ARHGAP30: variants seen among roughly 807,000 people sequenced by gnomAD.
ARHGAP30 encodes rho GTPase-activating protein 30.
A neutral mutation model predicts 72.0 loss-of-function variants in ARHGAP30; 23 were observed. That is an observed-to-expected ratio of 0.32 (90% confidence interval 0.23 to 0.45). The LOEUF is 0.45. Ranked by LOEUF, ARHGAP30 falls within the 20% of genes least tolerant of loss-of-function variation. The pLI is 1.00. For missense variants in ARHGAP30, 1,319 were observed against 1,383.4 expected (o/e 0.95, Z 0.74); for synonymous variants, 576 against 528.2 (o/e 1.09, Z -1.24).
rs780543644 is a variant in ARHGAP30 at position 161,059,686 on chromosome 1, A to G, written c.128T>C (p.Phe43Ser). ...VPQVLKSCAE[F>S]VEEYGVVDGI... ...ATCCACCACTCCATACTCCTCCACA[A>G]ATTCTGCACAGCTCTTTAGCACCTG... is the stretch of plus-strand genomic sequence containing the variant. The change falls in exon 2 of 12, where the codon TTT becomes TCT. Residue 43 changes from phenylalanine (F) to serine (S), a missense_variant. Around this residue, in one of 2 missense-constraint regions of ARHGAP30, gnomAD observed 222 missense variants for 338.2 expected, o/e 0.66. Transcript: ENST00000368013. 1 of 1,613,632 alleles carries G rather than the reference A, an allele frequency of 6.2e-7. No homozygotes were observed. The highest frequency in any genetic ancestry group is 1.1e-5 in the South Asian group (1 of 91,046).
chr1:161,047,836 G>T lies in ARHGAP30; in HGVS notation c.3185C>A (p.Ser1062Tyr), dbSNP rs745415392. ...LPSEGAEGSG[S>Y]RSRLSLPPRE... is the part of the protein sequence containing the mutation. ...GGGGGGCAGACTAAGACGACTCCGGGATCCAGACCCTTCTGCACCTTCAGA... is the reference window on the plus strand; with the variant it reads ...GGGGGGCAGACTAAGACGACTCCGGTATCCAGACCCTTCTGCACCTTCAGA... The change falls in exon 12 of 12, where the codon TCC becomes TAC. Residue 1062 changes from serine (S) to tyrosine (Y), a missense_variant. Ser to Tyr is a moderately radical substitution (Grantham distance 144). Coordinates refer to ENST00000368013, the MANE Select transcript of ARHGAP30 (RefSeq NM_001025598.2). 5.0e-6 allele frequency: 8 copies of T among 1,610,878 alleles called. No homozygotes were observed. Among genetic ancestry groups the T allele is most frequent in the Non-Finnish European group, 6.8e-6 (8 of 1,178,832 alleles).
At chr1:161,051,817 G>GA in intron 9 of ARHGAP30, 102 bp from the exon 10 acceptor site, 1 of 1,439,994 alleles carries the variant, frequency 6.9e-7, no homozygotes, top group South Asian at 1.5e-5. Flanking sequence ...TCTCAGGCTT[G>GA]AAAGCAACGA....
Position 161,052,425 on chromosome 1 carries a change from T to G in ARHGAP30, c.940+15A>C, listed in dbSNP as rs1301932806. The G allele has an allele frequency of 1.2e-6, 2 of 1,611,050 alleles. No individual in the cohort carries two copies. Among genetic ancestry groups the G allele is most frequent in the Non-Finnish European group, 1.7e-6 (2 of 1,178,420 alleles). ...TGCACCCTCAGCAGAGCTCCCCCCA[T>G]CTCCCCAGACTTACCCCTGTCCTCA... On this transcript the variant is annotated intron_variant, in intron 8 of 11. Coordinates refer to ENST00000368013, the MANE Select transcript of ARHGAP30 (RefSeq NM_001025598.2).
intron 1 of ARHGAP30, among the ~76,000 whole-genome samples, chr1:161,065,693 A>G (rs1280710380): frequency 3.3e-5 from 5 of 151,160 alleles, no homozygotes; most frequent in East Asian, 3.9e-4. Context: ...CAGCCTCCCA[A>G]GTAGCTAGGA....
chr1:161,051,656 A>T lies in ARHGAP30; in HGVS notation c.1078T>A (p.Leu360Met). The T allele has an allele frequency of 6.2e-7, 1 of 1,612,834 alleles. No individual in the cohort carries two copies. Among genetic ancestry groups the T allele is most frequent in the Non-Finnish European group, 8.5e-7 (1 of 1,179,974 alleles). ...GCTGCCTCTATAGAATCGTTCTCCA[A>T]GCTCTCAGGCAGCAATGGGCTTGGC... The part of the protein sequence containing the change: ...PRPSPLLPES[L>M]ENDSIEAAEG... The change falls in exon 10 of 12, where the codon TTG becomes ATG. Residue 360 changes from leucine to methionine, a missense_variant. Leu to Met is a conservative substitution (Grantham distance 15, BLOSUM62 2). Around this residue, in one of 2 missense-constraint regions of ARHGAP30, gnomAD observed 1,097 missense variants for 1,045.2 expected, o/e 1.05. Coordinates refer to ENST00000368013, the MANE Select transcript of ARHGAP30 (RefSeq NM_001025598.2).
intron 5 of ARHGAP30, 96 bp from the exon 6 acceptor site, chr1:161,053,481 TCTCTCTCTCTCTCTCTCTCTCTCTC>T: frequency 8.4e-7 from 1 of 1,190,082 alleles, no homozygotes; most frequent in Non-Finnish European, 1.2e-6. Context: ...TCTCTCTCTC[TCTCTCTCTCTCTCTCTCTCTCTCTC>T]GAATGACCTT....
intron 2 of ARHGAP30, among the ~76,000 whole-genome samples, chr1:161,057,158 A>G (rs1651935292): frequency 6.8e-6 from 1 of 146,830 alleles, no homozygotes. Context: ...AAATAAGCTA[A>G]TTTTTTTTTT....
intron 9 of ARHGAP30, among the ~76,000 whole-genome samples, chr1:161,052,011 ACCACCACCACCACCAC>A (rs1457724405): frequency 1.2e-4 from 6 of 52,154 alleles, no homozygotes; most frequent in African/African-American, 4.7e-4. Flanking sequence ...CACCACCACC[ACCACCACCACCACCAC>A]CACCACCACC....
chr1:161,069,744 C>T lies in ARHGAP30; in HGVS notation c.-120G>A. On this transcript the variant is annotated 5_prime_UTR_variant, in exon 1 of 12. Coordinates refer to ENST00000368013, the MANE Select transcript of ARHGAP30 (RefSeq NM_001025598.2). This position sits in a 1 kb window ranked among gnomAD's most constrained non-coding sequence, Gnocchi z 4.9. ...GGCCCGGCCCCAGGGGGGCAGGGCT[C>T]CCAATTGGGGGTGGAGGGTGGCCTG... 1 of 1,120,156 alleles carries T rather than the reference C, an allele frequency of 8.9e-7. No individual in the cohort carries two copies. The highest frequency in any genetic ancestry group is 1.3e-6 in the Non-Finnish European group (1 of 780,424). The allele number at this position is 1,120,156 out of a possible 1,614,324, so 69.4% of individuals were successfully genotyped here. A position where few individuals can be genotyped will look rare whatever the true frequency, so the allele number is the denominator to read the frequency against.
intron 1 of ARHGAP30, among the ~76,000 whole-genome samples, chr1:161,065,758 A>G (rs1290671256): frequency 6.6e-6 from 1 of 151,710 alleles, no homozygotes; most frequent in Non-Finnish European, 1.5e-5. Context: ...GTAGAGACAG[A>G]GTTTCTCCAT....
At chr1:161,065,707 C>T (rs1026430786) in intron 1 of ARHGAP30, among the ~76,000 whole-genome samples, 3 of 151,916 alleles carry the variant, frequency 2.0e-5, no homozygotes, top group Non-Finnish European at 4.4e-5. Context: ...GCTAGGATTA[C>T]AGGCACCCAC....
chr1:161,047,089 AAGG>A lies in ARHGAP30; in HGVS notation c.*623_*625del, dbSNP rs1422521386. The A allele has an allele frequency of 6.9e-6, 3 of 432,856 alleles. No individual in the cohort carries two copies. Among genetic ancestry groups the A allele is most frequent in the Non-Finnish European group, 1.4e-5 (3 of 212,722 alleles). 26.8% of individuals were successfully genotyped at this position (432,856 alleles called of 1,614,324 possible). ...TAGGAACAAGTTATTCCAAAGGAGAAAGGAGAGCCCAGAGAGATCTGTACAGGA... is the reference window on the plus strand; with the variant it reads ...TAGGAACAAGTTATTCCAAAGGAGAAAGAGCCCAGAGAGATCTGTACAGGA... On this transcript the variant is annotated 3_prime_UTR_variant, in exon 12 of 12. Coordinates refer to ENST00000368013, the MANE Select transcript of ARHGAP30 (RefSeq NM_001025598.2).
rs1310353596 is a variant in ARHGAP30, at chr1:161,064,809, AAGAAAGAAAGAAAGAAAGAAAG to A, written c.97+4697_97+4718del. Among the ~76,000 whole-genome samples the A allele has an allele frequency of 9.8e-4, 70 of 71,464 alleles. 2 individuals carry two copies. Among genetic ancestry groups the A allele is most frequent in the Middle Eastern group, 5.5e-3 (1 of 182 alleles). The allele number at this position is 71,464 out of a possible 152,430, so 46.9% of individuals were successfully genotyped here. A position where few individuals can be genotyped will look rare whatever the true frequency, so the allele number is the denominator to read the frequency against. On this transcript the variant is annotated intron_variant, in intron 1 of 11. Coordinates refer to ENST00000368013, the MANE Select transcript of ARHGAP30 (RefSeq NM_001025598.2). The stretch of plus-strand genomic sequence containing the variant: ...AAAGAAAGAAAGAAAGAAAGAAAGA[AAGAAAGAAAGAAAGAAAGAAAG>A]AGAAAGAAAGAAAGAAAGGAAAGGA...
intron 3 of ARHGAP30, among the ~76,000 whole-genome samples, chr1:161,055,326 T>C (rs1651742021): frequency 6.6e-6 from 1 of 152,044 alleles, no homozygotes; most frequent in Non-Finnish European, 1.5e-5. Context: ...ACCTTGTCTC[T>C]ACTAAAAATT....
Position 161,048,778 on chromosome 1 carries a change from T to C in ARHGAP30, c.2243A>G (p.Lys748Arg). ...GGDEYTDEKE[K>R]EIEREEDEQR... is the part of the protein sequence containing the mutation. ...TTCATCCTCTTCTCTCTCAATTTCTTTTTCCTTCTCATCTGTATACTCATC... is the reference window on the plus strand; with the variant it reads ...TTCATCCTCTTCTCTCTCAATTTCTCTTTCCTTCTCATCTGTATACTCATC... Residue 748 changes from lysine (K) to arginine (R), a missense_variant, in exon 12 of 12, where the codon AAA (lysine) becomes AGA (arginine). Around this residue, in one of 2 missense-constraint regions of ARHGAP30, gnomAD observed 1,097 missense variants for 1,045.2 expected, o/e 1.05. Coordinates refer to ENST00000368013, the MANE Select transcript of ARHGAP30 (RefSeq NM_001025598.2). 1 of 1,614,064 alleles carries C rather than the reference T, an allele frequency of 6.2e-7. No individual in the cohort carries two copies. The highest frequency in any genetic ancestry group is 2.2e-5 in the East Asian group (1 of 44,880).
chr1:161,053,490 C>CTCTCTCTG, intron 5 of ARHGAP30, 105 bp from the exon 6 acceptor site: 1 of 929,004 alleles, frequency 1.1e-6, no homozygotes, highest in Non-Finnish European at 1.4e-6. Flanking sequence ...CTCTCTCTCT[C>CTCTCTCTG]TCTCTCTCTC....
intron 4 of ARHGAP30, 28 bp from the exon 5 acceptor site, chr1:161,054,501 C>G (rs754812058): frequency 1.9e-6 from 3 of 1,609,690 alleles, no homozygotes; most frequent in Non-Finnish European, 1.7e-6. Context: ...AGGGATCACA[C>G]AGGGAATGCC....
At position 161,049,352 on chromosome 1, in the gene ARHGAP30, T is replaced by C. The variant is rs558271040; in HGVS notation, c.1687-18A>G. The C allele has an allele frequency of 6.8e-6, 11 of 1,607,630 alleles. No homozygotes were observed. In the African/African-American group the frequency reaches 1.3e-4, roughly 20 times the overall value. ...TCCTCCACCTGTAGGCACAGCATTGTGACTCAGGACCAGGAGGCCCTGTCC... is the reference window on the plus strand; with the variant it reads ...TCCTCCACCTGTAGGCACAGCATTGCGACTCAGGACCAGGAGGCCCTGTCC... On this transcript the variant is annotated intron_variant, in intron 11 of 11. Transcript: ENST00000368013.
At chr1:161,056,301 C>G in intron 3 of ARHGAP30, 87 bp downstream of exon 3, 1 of 1,511,188 alleles carries the variant, frequency 6.6e-7, no homozygotes, top group Non-Finnish European at 8.9e-7. Flanking sequence ...CGCTAGGACT[C>G]TGGCTAGTAT....
Sources: allele counts gnomAD v4.1 joint callset (sites outside exome capture counted in the v4.1 genomes callset), GRCh38; gene constraint gnomAD v4.1.1; regional missense constraint gnomAD v4.1.1; non-coding constraint Gnocchi (gnomAD v3.1); transcripts MANE v1.5; gene names NCBI Gene and HGNC (gene_info 2026-07-23, HGNC 2026-07-21).